PPP2R2C: variants seen among roughly 807,000 people sequenced by gnomAD.
PPP2R2C encodes protein phosphatase 2, regulatory subunit B, gamma.
Under a neutral mutation model 45.3 loss-of-function variants are expected in PPP2R2C, and 10 were observed. That is an observed-to-expected ratio of 0.22 (90% CI 0.14 to 0.37). PPP2R2C has a LOEUF of 0.37. PPP2R2C is among the 10% of genes least tolerant of loss of function. The probability of loss-of-function intolerance (pLI) is 1.00; values close to 1 mark genes in which losing one functional copy is unlikely to be tolerated. For synonymous variants in PPP2R2C, 257 were observed against 245.4 expected (o/e 1.05, Z -0.44); for missense variants, 308 against 619.7 (o/e 0.50, Z 5.34).
intron 2 of PPP2R2C, among the ~76,000 whole-genome samples, chr4:6,514,989 C>T (rs952551022): frequency 6.6e-6 from 1 of 152,026 alleles, no homozygotes; most frequent in African/African-American, 2.4e-5. Context: ...ATGCCAGTCA[C>T]TGGATCAGGG....
At chr4:6,562,389 C>G (rs1215521263) in intron 1 of PPP2R2C, among the ~76,000 whole-genome samples, 3 of 148,052 alleles carry the variant, frequency 2.0e-5, no homozygotes, top group Admixed American at 1.4e-4. Flanking sequence ...TGTGTGGCCT[C>G]GGGCAAGTTA....
chr4:6,320,653 G>C lies in PPP2R2C; in HGVS notation c.*2649C>G, dbSNP rs1234997212. 1 of 152,420 alleles carries C rather than the reference G, an allele frequency of 6.6e-6. No individual in the cohort carries two copies. Among genetic ancestry groups the C allele is most frequent in the Admixed American group, 6.6e-5 (1 of 15,262 alleles). 9.4% of individuals were successfully genotyped at this position (152,420 alleles called of 1,614,324 possible). On this transcript the variant is annotated 3_prime_UTR_variant, in exon 9 of 9. Transcript: ENST00000382599. ...ATATTTATAGTTTTATTCAACAATT[G>C]GGTAATTTGTGAGACACCAAAGAAA... is the stretch of plus-strand genomic sequence containing the variant.
intron 1 of PPP2R2C, among the ~76,000 whole-genome samples, chr4:6,455,772 C>T (rs569734325): frequency 2.1e-4 from 32 of 152,330 alleles, no homozygotes; most frequent in African/African-American, 6.0e-4. Flanking sequence ...GCTCCACCAA[C>T]CCTGAACACA....
chr4:6,450,619 C>T (rs2108745737), intron 1 of PPP2R2C, among the ~76,000 whole-genome samples: 1 of 152,322 alleles, frequency 6.6e-6, no homozygotes, highest in Admixed American at 6.5e-5. Flanking sequence ...ACAGCACCCA[C>T]CCAGGCAGCT....
At chr4:6,383,762 G>T in intron 1 of PPP2R2C, 2 of 945,312 alleles carry the variant, frequency 2.1e-6, no homozygotes, top group Non-Finnish European at 2.6e-6. Context: ...CTTCATGAGG[G>T]CAGGAGCCTC....
rs1732129026 is a variant in PPP2R2C at position 6,328,445 on chromosome 4, C to A, written c.1052+817G>T. Among the ~76,000 whole-genome samples the A allele has an allele frequency of 6.6e-6, 1 of 152,170 alleles. No homozygotes were observed. The highest frequency in any genetic ancestry group is 2.1e-4 in the South Asian group (1 of 4,824). Reference sequence around the variant, plus strand: ...ACTCACAGATGGAGAGTAGGCTTGTCCATTTCAGAATCTTACGCCTGGCAG... The same window carrying A: ...ACTCACAGATGGAGAGTAGGCTTGTACATTTCAGAATCTTACGCCTGGCAG... On this transcript the variant is annotated intron_variant, in intron 8 of 8. Transcript: ENST00000382599. The surrounding 1 kb of genome is among the most constrained non-coding windows in gnomAD (Gnocchi z 4.4).
Position 6,321,714 on chromosome 4 carries a change from G to C in PPP2R2C, c.*1588C>G, listed in dbSNP as rs1280421713. ...GCTGGGTCTCTGCTCCCCACTTTCT[G>C]AATCAAAATGCCAAACTACGTGGCT... On this transcript the variant is annotated 3_prime_UTR_variant, in exon 9 of 9. Transcript: ENST00000382599. The C allele has an allele frequency of 6.6e-6, 1 of 152,004 alleles. No individual in the cohort carries two copies. Among genetic ancestry groups the C allele is most frequent in the Non-Finnish European group, 1.5e-5 (1 of 67,992 alleles). The allele number at this position is 152,004 out of a possible 1,614,324, so 9.4% of individuals were successfully genotyped here.
chr4:6,334,406 G>T (rs1342464533), intron 6 of PPP2R2C, among the ~76,000 whole-genome samples: 1 of 152,186 alleles, frequency 6.6e-6, no homozygotes, highest in Non-Finnish European at 1.5e-5. Context: ...GCAACGGTTT[G>T]CTGCCCACCT....
At chr4:6,442,326 C>G (rs910976654) in intron 1 of PPP2R2C, among the ~76,000 whole-genome samples, 6 of 152,250 alleles carry the variant, frequency 3.9e-5, no homozygotes, top group African/African-American at 1.2e-4. Context: ...TCTGCCCGCT[C>G]TCAGCAGGAG....
intron 5 of PPP2R2C, among the ~76,000 whole-genome samples, chr4:6,365,032 A>G (rs951346963): frequency 5.9e-5 from 9 of 152,214 alleles, no homozygotes; most frequent in African/African-American, 1.9e-4. Flanking sequence ...GCAGAACTGA[A>G]AAACAAAAAA....
chr4:6,431,802 C>T (rs904960167), intron 1 of PPP2R2C, among the ~76,000 whole-genome samples: 1 of 152,088 alleles, frequency 6.6e-6, no homozygotes, highest in African/African-American at 2.4e-5. Flanking sequence ...GAGGATGGGC[C>T]GTGGACTTAG....
Position 6,322,747 on chromosome 4 carries a change from A to C in PPP2R2C, c.*555T>G, listed in dbSNP as rs1384420582. ...TCTCAGCATGAATTCACCATCCAAAAAACAACGGTGAGGTCATCAGCTCTG... is the reference window on the plus strand; with the variant it reads ...TCTCAGCATGAATTCACCATCCAAACAACAACGGTGAGGTCATCAGCTCTG... On this transcript the variant is annotated 3_prime_UTR_variant, in exon 9 of 9. Transcript: ENST00000382599. The surrounding 1 kb of genome is among the most constrained non-coding windows in gnomAD (Gnocchi z 7.8). 6.6e-6 allele frequency: 1 copy of C among 152,238 alleles called. No homozygotes were observed. Among genetic ancestry groups the C allele is most frequent in the African/African-American group, 2.4e-5 (1 of 41,426 alleles). 9.4% of individuals were successfully genotyped at this position (152,238 alleles called of 1,614,324 possible).
chr4:6,329,071 A>G lies in PPP2R2C; in HGVS notation c.1052+191T>C, dbSNP rs1421462630. Reference sequence around the variant, plus strand: ...TCAGTGACAGAAGATGAAGAATTTCATGTCCTGCCCCTTGAATCTGAGCGC... The same window carrying G: ...TCAGTGACAGAAGATGAAGAATTTCGTGTCCTGCCCCTTGAATCTGAGCGC... On this transcript the variant is annotated intron_variant, in intron 8 of 8. Coordinates refer to ENST00000382599, the MANE Select transcript of PPP2R2C (RefSeq NM_020416.4). The surrounding 1 kb of genome is among the most constrained non-coding windows in gnomAD (Gnocchi z 5.8). 2.0e-5 allele frequency among the ~76,000 whole-genome samples: 3 copies of G among 152,204 alleles called. No homozygotes were observed. The highest frequency in any genetic ancestry group is 7.2e-5 in the African/African-American group (3 of 41,464).
intron 1 of PPP2R2C, among the ~76,000 whole-genome samples, chr4:6,401,182 T>G (rs1717387740): frequency 6.6e-6 from 1 of 152,184 alleles, no homozygotes; most frequent in African/African-American, 2.4e-5. Flanking sequence ...AGTACTCCCG[T>G]TATTCAGCTT....
chr4:6,368,118 C>T lies in PPP2R2C; in HGVS notation c.625+4405G>A, dbSNP rs1205290612. Reference sequence around the variant, plus strand: ...TCCACAGGGGCCCCCGATCTGCTGACACTCCTCCCTTGTCACTGTCCCTCA... The same window carrying T: ...TCCACAGGGGCCCCCGATCTGCTGATACTCCTCCCTTGTCACTGTCCCTCA... On this transcript the variant is annotated intron_variant, in intron 5 of 8. Transcript: ENST00000382599. This position sits in a 1 kb window ranked among gnomAD's most constrained non-coding sequence, Gnocchi z 4.2. 6.6e-6 allele frequency among the ~76,000 whole-genome samples: 1 copy of T among 152,222 alleles called. No individual in the cohort carries two copies. Among genetic ancestry groups the T allele is most frequent in the African/African-American group, 2.4e-5 (1 of 41,452 alleles).
intron 1 of PPP2R2C, among the ~76,000 whole-genome samples, chr4:6,406,153 C>A (rs762333708): frequency 4.6e-5 from 7 of 152,152 alleles, no homozygotes; most frequent in Non-Finnish European, 1.0e-4. Context: ...GACATTCTTG[C>A]CTTTCTGCTG....
chr4:6,346,570 A>G (rs6851179), intron 6 of PPP2R2C, among the ~76,000 whole-genome samples: 145,747 of 152,300 alleles, frequency 0.96, 69,797 homozygotes, highest in Non-Finnish European at 0.97. Context: ...TCTGCTGCAC[A>G]CCCATGCCAG....
At chr4:6,529,475 G>C (rs1437003700) in intron 2 of PPP2R2C, among the ~76,000 whole-genome samples, 2 of 152,210 alleles carry the variant, frequency 1.3e-5, no homozygotes, top group Non-Finnish European at 2.9e-5. Flanking sequence ...TTAGCCTCCA[G>C]ACAACCCAGT....
chr4:6,551,811 C>T (rs1413168242), intron 1 of PPP2R2C, among the ~76,000 whole-genome samples: 1 of 152,242 alleles, frequency 6.6e-6, no homozygotes, highest in Non-Finnish European at 1.5e-5. Flanking sequence ...CAGCTGAACA[C>T]CAACAAGCGA....
Sources: gnomAD v4.1 joint callset for allele counts (sites outside exome capture counted in the v4.1 genomes callset) on GRCh38, gnomAD v4.1.1 for gene constraint, Gnocchi (gnomAD v3.1) non-coding constraint, MANE v1.5 for transcripts, NCBI Gene and HGNC (gene_info 2026-07-23, HGNC 2026-07-21) for gene names.